The following DCAF6 variants were observed in gnomAD, a reference collection of about 807,000 sequenced individuals.
The protein encoded by DCAF6 is DDB1 and CUL4 associated factor 6.
DCAF6 carries 54 observed loss-of-function variants against 125.1 expected under a neutral mutation model. That is an observed-to-expected ratio of 0.43 (90% CI 0.35 to 0.54). The LOEUF (loss-of-function observed/expected upper bound fraction) is 0.54, where lower values mean the gene tolerates loss of function less well. Among genes scored for constraint, DCAF6 ranks in the 20% least tolerant of loss-of-function variants. DCAF6 has a pLI of 0.01. For synonymous variants in DCAF6, 371 were observed against 390.4 expected (o/e 0.95, Z 0.58); for missense variants, 934 against 1,161.7 (o/e 0.80, Z 2.85).
At chr1:168,012,231 T>G (rs751774524) in intron 10 of DCAF6, among the ~76,000 whole-genome samples, 1 of 152,216 alleles carries the variant, frequency 6.6e-6, no homozygotes, top group Non-Finnish European at 1.5e-5. Flanking sequence ...ACTGTATGTA[T>G]TGTAGAGGCA....
rs77752211 is a variant in DCAF6, at chr1:168,017,486, C to T, written c.1549+1535C>T. Among the ~76,000 whole-genome samples the T allele has an allele frequency of 3.4e-3, 510 of 152,044 alleles. 1 individual carries two copies. The highest frequency in any genetic ancestry group is 0.012 in the African/African-American group (491 of 41,508). On this transcript the variant is annotated intron_variant, in intron 11 of 21. Coordinates refer to ENST00000367840, the MANE Select transcript of DCAF6 (RefSeq NM_001198956.2). ...TCACTAATCTTTTGTAACTAGTTCA[C>T]GGATTTGAATTGAAGCAAGCTCTTT... is the stretch of plus-strand genomic sequence containing the variant.
chr1:167,937,941 GTGTT>G (rs1413874283), intron 1 of DCAF6, among the ~76,000 whole-genome samples: 1 of 152,048 alleles, frequency 6.6e-6, no homozygotes, highest in Non-Finnish European at 1.5e-5. Context: ...TAGTTAAAAA[GTGTT>G]TGTTGCTCTC....
chr1:167,959,488 A>C (rs1305516646), intron 2 of DCAF6, among the ~76,000 whole-genome samples: 5 of 152,242 alleles, frequency 3.3e-5, no homozygotes, highest in African/African-American at 7.2e-5. Flanking sequence ...TTTGTCCTTC[A>C]AAGTGACTGT....
chr1:167,880,181 T>A, the DCAF6 span: 2 of 1,612,876 alleles, frequency 1.2e-6, no homozygotes, highest in Non-Finnish European at 1.7e-6. Context: ...GCAACACCGA[T>A]GGATACAGTT....
intron 2 of DCAF6, among the ~76,000 whole-genome samples, chr1:167,961,154 T>C (rs929425311): frequency 1.3e-5 from 2 of 152,216 alleles, no homozygotes; most frequent in African/African-American, 4.8e-5. Flanking sequence ...ATTTCTGGTA[T>C]TTAGGAAAAT....
chr1:167,976,205 A>G (rs1678130160), intron 4 of DCAF6, among the ~76,000 whole-genome samples: 1 of 152,164 alleles, frequency 6.6e-6, no homozygotes, highest in Non-Finnish European at 1.5e-5. Context: ...GTGGTGGCTC[A>G]CACCTGTAAT....
rs952530435 is a variant in DCAF6 at position 168,041,071 on chromosome 1, C to T, written c.1728-1954C>T. ...TTGAATCTCTCTAAATCTCAGTTTT[C>T]TCCCTTGAAAACGGGCATGTTTAAT... On this transcript the variant is annotated intron_variant, in intron 13 of 21. Transcript: ENST00000367840. Among the ~76,000 whole-genome samples, 4 of 152,042 alleles carry T rather than the reference C, an allele frequency of 2.6e-5. No homozygotes were observed. The South Asian group carries it at 6.2e-4, about 24-fold the overall frequency.
At chr1:167,931,666 A>T (rs1345112638), upstream of DCAF6, among the ~76,000 whole-genome samples, 1 of 152,126 alleles carries the variant, frequency 6.6e-6, no homozygotes, top group Non-Finnish European at 1.5e-5. Flanking sequence ...AATTCAAACT[A>T]TGTAGGTACG....
At chr1:167,888,685 G>A in the DCAF6 span, among the ~76,000 whole-genome samples, 2 of 151,956 alleles carry the variant, frequency 1.3e-5, no homozygotes, top group Non-Finnish European at 2.9e-5. Flanking sequence ...GACCATCCTG[G>A]CTAACACGGT....
At chr1:167,892,751 C>A in the DCAF6 span, among the ~76,000 whole-genome samples, 5,065 of 152,192 alleles carry the variant, frequency 0.033, 190 homozygotes, top group African/African-American at 0.088. Context: ...ACTGGACAGG[C>A]CTTTGTTACA....
chr1:167,919,594 A>G, the DCAF6 span, among the ~76,000 whole-genome samples: 1 of 152,214 alleles, frequency 6.6e-6, no homozygotes, highest in East Asian at 1.9e-4. Context: ...TATTATATAC[A>G]ATTGAAAGTG....
chr1:168,014,374 A>G (rs529558848), intron 10 of DCAF6, among the ~76,000 whole-genome samples: 1 of 152,242 alleles, frequency 6.6e-6, no homozygotes, highest in African/African-American at 2.4e-5. Flanking sequence ...TCAGTTCTCC[A>G]GCTCTCTCTC....
At chr1:167,948,676 G>T (rs1425877336) in intron 1 of DCAF6, among the ~76,000 whole-genome samples, 1 of 151,944 alleles carries the variant, frequency 6.6e-6, no homozygotes, top group Non-Finnish European at 1.5e-5. Flanking sequence ...TTTTGAGGTG[G>T]AGTCTCACTC....
chr1:167,892,951 C>T, the DCAF6 span, among the ~76,000 whole-genome samples: 3 of 152,086 alleles, frequency 2.0e-5, no homozygotes, highest in Non-Finnish European at 2.9e-5. Context: ...TTTTCTCATG[C>T]ATATAAAATG....
chr1:167,901,564 C>T, the DCAF6 span: 36 of 1,267,106 alleles, frequency 2.8e-5, no homozygotes, highest in South Asian at 3.9e-4. Context: ...GGGGCTGAGC[C>T]ACCATGTTCT....
At chr1:167,988,526 A>G (rs1288941588) in intron 5 of DCAF6, among the ~76,000 whole-genome samples, 1 of 152,232 alleles carries the variant, frequency 6.6e-6, no homozygotes, top group Admixed American at 6.5e-5. Flanking sequence ...TTGACCCCAG[A>G]CAAGTAATTC....
chr1:168,025,126 T>C (rs1199163634), intron 12 of DCAF6, among the ~76,000 whole-genome samples: 1 of 152,180 alleles, frequency 6.6e-6, no homozygotes, highest in Non-Finnish European at 1.5e-5. Context: ...TTTAATAATA[T>C]ATCACTATCA....
Sources: gnomAD v4.1 joint callset for allele counts (sites outside exome capture counted in the v4.1 genomes callset) on GRCh38, gnomAD v4.1.1 for gene constraint, MANE v1.5 for transcripts, NCBI Gene and HGNC (gene_info 2026-07-23, HGNC 2026-07-21) for gene names.